The following CATSPERB variants were observed in gnomAD, a reference collection of about 807,000 sequenced individuals.
CATSPERB encodes the protein cation channel sperm-associated auxiliary subunit beta.
In CATSPERB, 93 loss-of-function variants were observed where a neutral mutation model predicts 128.3. The observed-to-expected ratio is 0.72, with a 90% CI of 0.61 to 0.86. CATSPERB has a LOEUF of 0.86. Among genes scored for constraint, CATSPERB ranks in the 40% least tolerant of loss-of-function variants. CATSPERB has a pLI of 0.00. For synonymous variants in CATSPERB, 381 were observed against 448.8 expected (o/e 0.85, Z 1.91); for missense variants, 1,153 against 1,329.5 (o/e 0.87, Z 2.06).
chr14:91,582,324 A>G (rs570580860), intron 26 of CATSPERB, among the ~76,000 whole-genome samples: 3 of 152,344 alleles, frequency 2.0e-5, no homozygotes, highest in African/African-American at 4.8e-5. Flanking sequence ...GCCTTCCACA[A>G]TTGGACCCTA....
intron 7 of CATSPERB, among the ~76,000 whole-genome samples, chr14:91,694,728 C>G (rs545224825): frequency 1.3e-5 from 2 of 152,192 alleles, no homozygotes; most frequent in East Asian, 3.9e-4. Flanking sequence ...TCACTAAAAC[C>G]TTGTAAATGA....
At position 91,580,882 on chromosome 14, in the gene CATSPERB, C is replaced by T. The variant is rs1893193825; in HGVS notation, c.*7G>A. ...GAAAATAAAGAGAAATTATGATCAC[C>T]ATGTGTTCACTCTTCAGACTTTGAT... On this transcript the variant is annotated 3_prime_UTR_variant, in exon 27 of 27. Coordinates refer to ENST00000256343, the MANE Select transcript of CATSPERB (RefSeq NM_024764.4). 2.5e-6 allele frequency: 4 copies of T among 1,603,728 alleles called. No individual in the cohort carries two copies. The highest frequency in any genetic ancestry group is 4.5e-5 in the East Asian group (2 of 44,796).
Position 91,729,486 on chromosome 14 carries a change from G to A in CATSPERB, c.1-7C>T, listed in dbSNP as rs1896178010. ...ATATAAGTGGCGATTCCATCTGTTG[G>A]AATAAATAAGAATTATTTTCACTCA... On this transcript the variant is annotated splice_region_variant and splice_polypyrimidine_tract_variant and intron_variant, in intron 1 of 26. Coordinates refer to ENST00000256343, the MANE Select transcript of CATSPERB (RefSeq NM_024764.4). 1 of 1,419,212 alleles carries A rather than the reference G, an allele frequency of 7.0e-7. No homozygotes were observed. The highest frequency in any genetic ancestry group is 9.8e-7 in the Non-Finnish European group (1 of 1,024,204). 87.9% of individuals were successfully genotyped at this position (1,419,212 alleles called of 1,614,324 possible).
intron 15 of CATSPERB, among the ~76,000 whole-genome samples, chr14:91,653,759 A>G (rs1267654561): frequency 6.6e-6 from 1 of 152,188 alleles, no homozygotes; most frequent in Non-Finnish European, 1.5e-5. Context: ...ATACAACTCA[A>G]GTTGAGATTT....
At chr14:91,700,308 T>C (rs956875349) in intron 7 of CATSPERB, among the ~76,000 whole-genome samples, 8 of 152,246 alleles carry the variant, frequency 5.3e-5, no homozygotes, top group African/African-American at 1.9e-4. Flanking sequence ...GGATTCCTTT[T>C]GCTAATATTT....
intron 7 of CATSPERB, among the ~76,000 whole-genome samples, chr14:91,704,169 A>T (rs1404801686): frequency 2.0e-5 from 3 of 152,224 alleles, no homozygotes; most frequent in African/African-American, 7.2e-5. Context: ...ATGCTCTCAG[A>T]TATTACAGTA....
intron 11 of CATSPERB, among the ~76,000 whole-genome samples, chr14:91,680,434 A>C (rs1300714727): frequency 1.3e-5 from 2 of 152,244 alleles, no homozygotes; most frequent in Non-Finnish European, 2.9e-5. Flanking sequence ...TGTATAACTA[A>C]TTGCTACAAG....
chr14:91,693,426 A>C lies in CATSPERB; in HGVS notation c.670T>G (p.Trp224Gly). 1.2e-6 allele frequency: 2 copies of C among 1,614,140 alleles called. No homozygotes were observed. The highest frequency in any genetic ancestry group is 1.6e-4 in the Middle Eastern group (1 of 6,062). ...TAGATAGTCTGTGTCATGTTAAACC[A>C]TGTGGTATCATAATCATGCCAGAAT... ...GGFWHDYDTT[W>G]FNMTQTIYSQ... The change falls in exon 8 of 27, where the codon TGG becomes GGG. Residue 224 changes from tryptophan to glycine, a missense_variant. Trp to Gly is a radical substitution (Grantham distance 184, BLOSUM62 -2). Transcript: ENST00000256343.
chr14:91,588,937 T>C (rs1893350599), intron 24 of CATSPERB, among the ~76,000 whole-genome samples: 1 of 152,254 alleles, frequency 6.6e-6, no homozygotes, highest in African/African-American at 2.4e-5. Context: ...AACATATTAA[T>C]GGCTGACCAA....
At chr14:91,644,276 T>C (rs1200801290) in intron 15 of CATSPERB, among the ~76,000 whole-genome samples, 1 of 123,172 alleles carries the variant, frequency 8.1e-6, no homozygotes, top group African/African-American at 3.1e-5. Flanking sequence ...GTGATTTTGC[T>C]CATTAGTTGA....
chr14:91,589,760 T>C lies in CATSPERB; in HGVS notation c.2821-91A>G, dbSNP rs1416234921. 3.2e-6 allele frequency: 4 copies of C among 1,235,472 alleles called. No homozygotes were observed. In the African/African-American group the frequency reaches 6.0e-5, roughly 19 times the overall value. The allele number at this position is 1,235,472 out of a possible 1,614,324, so 76.5% of individuals were successfully genotyped here. A position where few individuals can be genotyped will look rare whatever the true frequency, so the allele number is the denominator to read the frequency against. On this transcript the variant is annotated intron_variant, in intron 23 of 26. Coordinates refer to ENST00000256343, the MANE Select transcript of CATSPERB (RefSeq NM_024764.4). ...AAAAAACGAAAAGATATATTGCCAA[T>C]AGTTTGGCTGTTCAATGACATGTGC...
intron 15 of CATSPERB, among the ~76,000 whole-genome samples, chr14:91,641,321 T>C (rs1462354649): frequency 6.7e-6 from 1 of 148,268 alleles, no homozygotes; most frequent in Non-Finnish European, 1.5e-5. Flanking sequence ...CATGCCTATG[T>C]CCTGAATGGT....
rs1484884609 is a variant in CATSPERB, at chr14:91,639,464, G to GGGGAA, written c.1433-219_1433-215dup. ...ACTACAGAATCTGTTCACTGAAGTA[G>GGGGAA]GGGAAGAAACAAACAGAGGGGATGT... is the stretch of plus-strand genomic sequence containing the variant. On this transcript the variant is annotated intron_variant, in intron 15 of 26. Transcript: ENST00000256343. Among the ~76,000 whole-genome samples, 9 of 152,240 alleles carry GGGGAA rather than the reference G, an allele frequency of 5.9e-5. No individual in the cohort carries two copies. The South Asian group carries it at 1.9e-3, about 32-fold the overall frequency.
intron 22 of CATSPERB, among the ~76,000 whole-genome samples, chr14:91,597,426 T>C (rs887599420): frequency 6.6e-6 from 1 of 152,206 alleles, no homozygotes; most frequent in Non-Finnish European, 1.5e-5. Context: ...TTTTTCAAAA[T>C]TTTGTAAACA....
intron 19 of CATSPERB, among the ~76,000 whole-genome samples, chr14:91,620,880 A>G (rs1266844145): frequency 6.6e-6 from 1 of 152,180 alleles, no homozygotes; most frequent in Non-Finnish European, 1.5e-5. Flanking sequence ...ATATCTGCAC[A>G]TAAGAGGATC....
At chr14:91,669,669 C>T in intron 14 of CATSPERB, 145 bp downstream of exon 14, 1 of 770,502 alleles carries the variant, frequency 1.3e-6, no homozygotes, top group Non-Finnish European at 2.0e-6. Flanking sequence ...GCTTAGTATA[C>T]AATAAATAGT....
chr14:91,719,124 A>C (rs1895989430), intron 5 of CATSPERB, among the ~76,000 whole-genome samples: 1 of 152,346 alleles, frequency 6.6e-6, no homozygotes, highest in South Asian at 2.1e-4. Context: ...ACCCATATTA[A>C]TACTACAATT....
At chr14:91,602,684 GAAAT>G (rs775197461) in intron 22 of CATSPERB, among the ~76,000 whole-genome samples, 30 of 152,206 alleles carry the variant, frequency 2.0e-4, no homozygotes, top group Non-Finnish European at 3.8e-4. Flanking sequence ...TTCCTTATCA[GAAAT>G]AAAATATAAA....
intron 19 of CATSPERB, among the ~76,000 whole-genome samples, chr14:91,621,140 G>A (rs1007561927): frequency 6.6e-5 from 10 of 152,174 alleles, no homozygotes; most frequent in East Asian, 1.9e-4. Flanking sequence ...GGTGGCTCAC[G>A]CCTGTAATCC....
Sources: allele counts gnomAD v4.1 joint callset (sites outside exome capture counted in the v4.1 genomes callset), GRCh38; gene constraint gnomAD v4.1.1; transcripts MANE v1.5; gene names NCBI Gene and HGNC (gene_info 2026-07-23, HGNC 2026-07-21).